Variants in GTF2F2 observed in about 807,000 individuals in gnomAD.
GTF2F2 encodes general transcription factor IIF subunit 2, also known as ATP-dependent helicase GTF2F2.
A neutral mutation model predicts 42.2 loss-of-function variants in GTF2F2; 23 were observed. The observed-to-expected ratio is 0.55, with a 90% CI of 0.39 to 0.77. GTF2F2 has a LOEUF of 0.77. Ranked by LOEUF, GTF2F2 falls within the 30% of genes least tolerant of loss-of-function variation. GTF2F2 has a pLI of 0.00. For missense variants in GTF2F2, 261 were observed against 287.2 expected, an observed-to-expected ratio of 0.91 and a Z score of 0.66; for synonymous variants, 105 against 100.8, an observed-to-expected ratio of 1.04 and a Z score of -0.25.
intron 3 of GTF2F2, 99 bp from the exon 4 acceptor site, chr13:45,151,587 GA>G: frequency 1.4e-6 from 1 of 703,992 alleles, no homozygotes; most frequent in Non-Finnish European, 2.3e-6. Context: ...GAAATGACTG[GA>G]AAACACATTT....
intron 4 of GTF2F2, 32 bp downstream of exon 4, chr13:45,151,863 C>G: frequency 1.8e-6 from 2 of 1,082,462 alleles, no homozygotes; most frequent in Non-Finnish European, 1.3e-6. Context: ...TAATGTGATT[C>G]CTGTACATTT....
At chr13:45,253,001 T>C in intron 6 of GTF2F2, 31 bp downstream of exon 6, 1 of 881,434 alleles carries the variant, frequency 1.1e-6, no homozygotes, top group Non-Finnish European at 1.7e-6. Flanking sequence ...TTTTCATTCT[T>C]TTATATCTTC....
At chr13:45,240,133 TTA>T (rs1875213376) in intron 5 of GTF2F2, among the ~76,000 whole-genome samples, 1 of 147,940 alleles carries the variant, frequency 6.8e-6, no homozygotes, top group Non-Finnish European at 1.5e-5. Flanking sequence ...TTTTTAGTTC[TTA>T]GCCTGAACAC....
intron 3 of GTF2F2, 112 bp downstream of exon 3, chr13:45,149,900 G>C (rs1870400702): frequency 2.0e-5 from 20 of 1,024,872 alleles, no homozygotes; most frequent in Non-Finnish European, 2.7e-5. Flanking sequence ...GTGCATGGCT[G>C]ATGGTTAAGA....
At chr13:45,212,829 C>CCTCCCACCTCCAAGCGATT (rs1405953847) in intron 5 of GTF2F2, among the ~76,000 whole-genome samples, 2 of 151,862 alleles carry the variant, frequency 1.3e-5, no homozygotes, top group South Asian at 2.1e-4. Context: ...ACAACCTCCG[C>CCTCCCACCTCCAAGCGATT]CTCCCACCTC....
chr13:45,262,666 A>G (rs2138259244), intron 6 of GTF2F2, among the ~76,000 whole-genome samples: 1 of 152,030 alleles, frequency 6.6e-6, no homozygotes, highest in Middle Eastern at 3.4e-3. Context: ...CGATCCGCCC[A>G]CCCCAGCCTC....
intron 3 of GTF2F2, among the ~76,000 whole-genome samples, chr13:45,150,084 G>C (rs1870410832): frequency 6.6e-6 from 1 of 152,112 alleles, no homozygotes; most frequent in South Asian, 2.1e-4. Context: ...TGTGACAAAG[G>C]CATTTGATAT....
intron 4 of GTF2F2, among the ~76,000 whole-genome samples, chr13:45,156,965 T>A (rs951737708): frequency 6.6e-6 from 1 of 152,172 alleles, no homozygotes; most frequent in African/African-American, 2.4e-5. Context: ...TACATTTTAC[T>A]AAGAGGAGAC....
intron 4 of GTF2F2, among the ~76,000 whole-genome samples, chr13:45,170,089 T>A (rs912886818): frequency 2.0e-5 from 3 of 152,212 alleles, no homozygotes; most frequent in Non-Finnish European, 4.4e-5. Flanking sequence ...AGTGCTATGA[T>A]CTCAGTTCAC....
chr13:45,235,103 A>G (rs183496796), intron 5 of GTF2F2, among the ~76,000 whole-genome samples: 1 of 151,480 alleles, frequency 6.6e-6, no homozygotes, highest in Non-Finnish European at 1.5e-5. Context: ...GAGAAGGCTA[A>G]TAACATGAAC....
intron 4 of GTF2F2, among the ~76,000 whole-genome samples, chr13:45,164,985 T>G (rs970193292): frequency 1.3e-5 from 2 of 152,224 alleles, no homozygotes; most frequent in Admixed American, 1.3e-4. Flanking sequence ...GGCATATAGA[T>G]ACACAATGTT....
intron 5 of GTF2F2, among the ~76,000 whole-genome samples, chr13:45,235,839 A>C (rs1457003515): frequency 1.3e-5 from 2 of 152,058 alleles, no homozygotes; most frequent in African/African-American, 4.8e-5. Flanking sequence ...TCCTGACCTC[A>C]GGTGATCGGC....
intron 7 of GTF2F2, among the ~76,000 whole-genome samples, chr13:45,274,482 A>G (rs906649483): frequency 2.0e-5 from 3 of 151,868 alleles, no homozygotes; most frequent in Admixed American, 6.6e-5. Context: ...ACATGCCACC[A>G]CACCTAGCTA....
rs534142034 is a variant in GTF2F2, at chr13:45,194,127, A to G, written c.305-13297A>G. 4 of 1,614,102 alleles carry G rather than the reference A, an allele frequency of 2.5e-6. No homozygotes were observed. The East Asian group carries it at 6.7e-5, about 27-fold the overall frequency. ...TTAATCCTTGTGAACGATCGTGGTTATCTGTTATTTCCAAGAAAGTAGTCT... is the reference window on the plus strand; with the variant it reads ...TTAATCCTTGTGAACGATCGTGGTTGTCTGTTATTTCCAAGAAAGTAGTCT... On this transcript the variant is annotated intron_variant, in intron 4 of 7. Transcript: ENST00000340473.
In GTF2F2 at chr13:45,267,268, G is replaced by A. The variant is rs139410191; in HGVS notation, c.522G>A (p.Lys174=). ...EYERKKKEDG[K]RARADKQHVL... is the part of the protein sequence containing the mutation. ...AAAGGAAAAAGAAAGAAGACGGAAA[G>A]CGAGCTCGAGCTGATAAACAACATG... Residue 174 remains lysine, a synonymous_variant, in exon 7 of 8, where the codon AAG becomes AAA. Transcript: ENST00000340473. The A allele has an allele frequency of 1.5e-4, 242 of 1,612,694 alleles. 2 individuals are homozygous for A. The highest frequency in any genetic ancestry group is 1.7e-4 in the Non-Finnish European group (205 of 1,179,022).
intron 4 of GTF2F2, among the ~76,000 whole-genome samples, chr13:45,191,224 A>AAAAAAAAATATATATATAT: frequency 3.3e-4 from 25 of 75,294 alleles, no homozygotes; most frequent in African/African-American, 1.2e-3. Flanking sequence ...ACAAAAAAAA[A>AAAAAAAAATATATATATAT]ATATATATAT....
intron 4 of GTF2F2, among the ~76,000 whole-genome samples, chr13:45,178,340 G>GCTTCTT (rs1610999): frequency 0.34 from 51,366 of 149,938 alleles, 11,711 homozygotes; most frequent in African/African-American, 0.65. Context: ...TTTAAATTAT[G>GCTTCTT]CTTCTTATTT....
intron 4 of GTF2F2, among the ~76,000 whole-genome samples, chr13:45,191,250 TATATA>T (rs1280044853): frequency 1.4e-5 from 2 of 138,290 alleles, no homozygotes; most frequent in African/African-American, 5.7e-5. Context: ...TATATATATA[TATATA>T]GCCATAATCT....
At chr13:45,201,607 A>T (rs1292021373) in intron 4 of GTF2F2, among the ~76,000 whole-genome samples, 1 of 152,214 alleles carries the variant, frequency 6.6e-6, no homozygotes, top group Non-Finnish European at 1.5e-5. Flanking sequence ...CTTTATATAC[A>T]TAACCTTTAA....
Sources: gnomAD v4.1 joint callset for allele counts (sites outside exome capture counted in the v4.1 genomes callset) on GRCh38, gnomAD v4.1.1 for gene constraint, MANE v1.5 for transcripts, NCBI Gene and HGNC (gene_info 2026-07-23, HGNC 2026-07-21) for gene names.